ZNF90: variants seen among roughly 807,000 people sequenced by gnomAD.
ZNF90 encodes zinc finger protein HTF9.
ZNF90 carries 11 observed loss-of-function variants against 12.0 expected under a neutral mutation model. The observed-to-expected ratio is 0.92, with a 90% CI of 0.58 to 1.52. The LOEUF (loss-of-function observed/expected upper bound fraction) is 1.52, where lower values mean the gene tolerates loss of function less well. Ranked by LOEUF, ZNF90 falls within the 40% of genes most tolerant of loss-of-function variation. The pLI, the probability that ZNF90 is intolerant of heterozygous loss-of-function variation, is 0.00. For missense variants in ZNF90, 765 were observed against 711.5 expected (o/e 1.08, Z -0.86); for synonymous variants, 232 against 240.1 (o/e 0.97, Z 0.31).
intron 1 of ZNF90, among the ~76,000 whole-genome samples, chr19:20,084,127 C>T (rs1395027022): frequency 3.3e-5 from 5 of 150,918 alleles, no homozygotes; most frequent in Admixed American, 6.6e-5. Context: ...GATCTTGGCT[C>T]ACTGCAAACT....
At chr19:20,105,168 T>C (rs2089024112) in intron 2 of ZNF90, 53 bp from the exon 3 acceptor site, 3 of 1,414,312 alleles carry the variant, frequency 2.1e-6, no homozygotes, top group African/African-American at 1.4e-5. Context: ...CAGTACTAGC[T>C]TGTAATTGGA....
At chr19:20,105,883 G>GT (rs2089031554) in intron 3 of ZNF90, among the ~76,000 whole-genome samples, 1 of 151,948 alleles carries the variant, frequency 6.6e-6, no homozygotes, top group South Asian at 2.1e-4. Context: ...TTTTAGAATT[G>GT]TATTTTCCAT....
rs527747066 is a variant in ZNF90, at chr19:20,081,996, C to T, written c.3+3861C>T. On this transcript the variant is annotated intron_variant, in intron 1 of 3. Transcript: ENST00000418063. ...AGCCAGGAGGGTCTCGATCTCCTGA[C>T]CTCGTGATCCACCCGCCTCGGCCTC... 2.6e-3 allele frequency among the ~76,000 whole-genome samples: 392 copies of T among 152,088 alleles called. 3 individuals carry two copies. Among genetic ancestry groups the T allele is most frequent in the Middle Eastern group, 0.01 (3 of 294 alleles).
intron 1 of ZNF90, among the ~76,000 whole-genome samples, chr19:20,096,669 G>A (rs147653092): frequency 0.012 from 1,761 of 152,238 alleles, 17 homozygotes; most frequent in South Asian, 0.033. Flanking sequence ...AGTTAAGGTG[G>A]GGCAGGGCAT....
rs182200252 is a variant in ZNF90, at chr19:20,119,069, A to G, written c.1515A>G (p.Gly505=). The G allele has an allele frequency of 1.3e-4, 208 of 1,611,890 alleles. No individual in the cohort carries two copies. In the African/African-American group the frequency reaches 2.4e-3, roughly 19 times the overall value. The part of the protein sequence containing the change: ...ALSTHKIIHS[G]ENPYKCEECG... ...GCACACATAAGATAATTCACAGTGGAGAGAATCCCTACAAATGTGAAGAAT... is the reference window on the plus strand; with the variant it reads ...GCACACATAAGATAATTCACAGTGGGGAGAATCCCTACAAATGTGAAGAAT... The change falls in exon 4 of 4, where the codon GGA becomes GGG. Residue 505 remains glycine (G), a synonymous_variant. Coordinates refer to ENST00000418063, the MANE Select transcript of ZNF90 (RefSeq NM_007138.2).
At chr19:20,078,168 G>A (rs2088791781) in intron 1 of ZNF90, 33 bp downstream of exon 1, 1 of 1,613,892 alleles carries the variant, frequency 6.2e-7, no homozygotes, top group African/African-American at 1.3e-5. Context: ...CCGAGAGAGG[G>A]GAGGGACTGG....
At chr19:20,105,704 A>C (rs2089030470) in intron 3 of ZNF90, among the ~76,000 whole-genome samples, 1 of 152,220 alleles carries the variant, frequency 6.6e-6, no homozygotes, top group Admixed American at 6.5e-5. Flanking sequence ...GTGTGAGGGC[A>C]GTAGTATCAG....
Position 20,119,349 on chromosome 19 carries a change from G to A in ZNF90, c.1795G>A (p.Ala599Thr). 1 of 1,581,582 alleles carries A rather than the reference G, an allele frequency of 6.3e-7. No homozygotes were observed. Among genetic ancestry groups the A allele is most frequent in the Non-Finnish European group, 8.6e-7 (1 of 1,163,558 alleles). The change falls in exon 4 of 4, where the codon GCA (alanine) becomes ACA (threonine). Residue 599 changes from alanine to threonine, a missense_variant. Ala to Thr is a moderately conservative substitution (Grantham distance 58). Transcript: ENST00000418063. ...GQKAYIVKNM[A>T]NL Reference sequence around the variant, plus strand: ...GAAAGCCTACATAGTGAAGAACATGGCAAATCTTTGAAATATTCCTCAACC... The same window carrying A: ...GAAAGCCTACATAGTGAAGAACATGACAAATCTTTGAAATATTCCTCAACC...
chr19:20,115,016 C>T (rs559532514), intron 3 of ZNF90, among the ~76,000 whole-genome samples: 2 of 152,208 alleles, frequency 1.3e-5, no homozygotes, highest in African/African-American at 4.8e-5. Flanking sequence ...AGGTCCCCAG[C>T]GAATGAATCT....
chr19:20,086,002 A>G (rs1555701989), intron 1 of ZNF90, among the ~76,000 whole-genome samples: 1 of 152,200 alleles, frequency 6.6e-6, no homozygotes. Context: ...AATGATAAAG[A>G]CTAAAAGATA....
intron 1 of ZNF90, among the ~76,000 whole-genome samples, chr19:20,096,800 C>A (rs1555703332): frequency 6.6e-6 from 1 of 152,132 alleles, no homozygotes; most frequent in East Asian, 1.9e-4. Context: ...CAGGAGAAAG[C>A]AAGCAGGAGT....
At chr19:20,104,094 T>G in intron 1 of ZNF90, 145 bp from the exon 2 acceptor site, 7 of 1,225,156 alleles carry the variant, frequency 5.7e-6, no homozygotes, top group Non-Finnish European at 6.7e-6. Flanking sequence ...ATTTTTGTGT[T>G]GGAAATTGTT....
chr19:20,093,121 G>A (rs1268531450), intron 1 of ZNF90, among the ~76,000 whole-genome samples: 2 of 152,242 alleles, frequency 1.3e-5, no homozygotes, highest in African/African-American at 4.8e-5. Flanking sequence ...GCATGGAATA[G>A]TGAGTTGTGG....
chr19:20,100,485 C>T (rs2088980716), intron 1 of ZNF90, among the ~76,000 whole-genome samples: 1 of 152,200 alleles, frequency 6.6e-6, no homozygotes, highest in Admixed American at 6.5e-5. Flanking sequence ...CAACTGGAGC[C>T]TCAGGTGCAG....
intron 2 of ZNF90, among the ~76,000 whole-genome samples, 186 bp from the exon 3 acceptor site, chr19:20,105,032 CAAA>C (rs1326020179): frequency 6.6e-6 from 1 of 151,904 alleles, no homozygotes; most frequent in African/African-American, 2.4e-5. Context: ...CAAAACAAAA[CAAA>C]AAACCACACA....
Position 20,081,251 on chromosome 19 carries a change from C to T in ZNF90, c.3+3116C>T, listed in dbSNP as rs560743671. Among the ~76,000 whole-genome samples, 4 of 151,972 alleles carry T rather than the reference C, an allele frequency of 2.6e-5. No individual in the cohort carries two copies. In the East Asian group the frequency reaches 7.8e-4, roughly 30 times the overall value. ...TTGCCCAGGCTGGAGTGCAGTGGTG[C>T]CATCTCGGCTCACTTCAACCTCTGC... On this transcript the variant is annotated intron_variant, in intron 1 of 3. Transcript: ENST00000418063.
intron 1 of ZNF90, among the ~76,000 whole-genome samples, chr19:20,083,802 C>G (rs1372550631): frequency 6.6e-6 from 1 of 152,156 alleles, no homozygotes; most frequent in Non-Finnish European, 1.5e-5. Flanking sequence ...GGCTAGAGTG[C>G]TGTGGCATGA....
Position 20,119,109 on chromosome 19 carries a change from A to T in ZNF90, c.1555A>T (p.Lys519Ter). 1 of 1,613,092 alleles carries T rather than the reference A, an allele frequency of 6.2e-7. No individual in the cohort carries two copies. The highest frequency in any genetic ancestry group is 8.5e-7 in the Non-Finnish European group (1 of 1,179,608). ...ATGTGAAGAATGTGGCAAAGCCTTC[A>T]AGCGCTCCTCAGTCCTTAGTAAACA... ...YKCEECGKAF[K>*]RSSVLSKHKI... Residue 519 changes from lysine (K) to a stop codon, truncating the protein, a stop_gained, in exon 4 of 4, where the codon AAG (lysine) becomes TAG (stop). Coordinates refer to ENST00000418063, the MANE Select transcript of ZNF90 (RefSeq NM_007138.2). LOFTEE classifies it low-confidence loss of function (END_TRUNC).
chr19:20,094,682 G>A lies in ZNF90; in HGVS notation c.4-9557G>A, dbSNP rs143679271. Among the ~76,000 whole-genome samples the A allele has an allele frequency of 4.2e-3, 634 of 152,224 alleles. 5 individuals carry two copies. The highest frequency in any genetic ancestry group is 0.015 in the African/African-American group (606 of 41,542). On this transcript the variant is annotated intron_variant, in intron 1 of 3. Transcript: ENST00000418063. ...ATCAGCATGAGATTGGGCTAGAGAAGAAACTCTTTCCCATTCATCTGGGGA... is the reference window on the plus strand; with the variant it reads ...ATCAGCATGAGATTGGGCTAGAGAAAAAACTCTTTCCCATTCATCTGGGGA...
Sources: gnomAD v4.1 joint callset for allele counts (sites outside exome capture counted in the v4.1 genomes callset) on GRCh38, gnomAD v4.1.1 for gene constraint, MANE v1.5 for transcripts, NCBI Gene and HGNC (gene_info 2026-07-23, HGNC 2026-07-21) for gene names.